Variants in WWOX observed in about 807,000 individuals in gnomAD.
WWOX encodes WW domain-containing oxidoreductase.
In WWOX, 69 loss-of-function variants were observed where a neutral mutation model predicts 46.2. That is an observed-to-expected ratio of 1.49 (90% CI 1.23 to 1.82). WWOX has a LOEUF of 1.82. WWOX is among the 40% of genes most tolerant of loss of function. WWOX has a pLI of 0.00. For synonymous variants in WWOX, 359 were observed against 202.6 expected (o/e 1.77, Z -6.56); for missense variants, 919 against 542.6 (o/e 1.69, Z -6.89).
chr16:78,968,649 G>C (rs1408391827), intron 8 of WWOX, among the ~76,000 whole-genome samples: 2 of 152,200 alleles, frequency 1.3e-5, no homozygotes. Context: ...ACAAGCCCCA[G>C]CTGCCAAGGA....
rs540569450 is a variant in WWOX, at chr16:78,476,305, A to G, written c.1056+43553A>G. Among the ~76,000 whole-genome samples the G allele has an allele frequency of 2.0e-5, 3 of 152,320 alleles. No homozygotes were observed. In the East Asian group the frequency reaches 5.8e-4, roughly 29 times the overall value. On this transcript the variant is annotated intron_variant, in intron 8 of 8. Coordinates refer to ENST00000566780, the MANE Select transcript of WWOX (RefSeq NM_016373.4). The stretch of plus-strand genomic sequence containing the variant: ...AAGTGTCTGATCATATCCTTCGCCC[A>G]CTTGGGTGGATGAAGCTGGAAACCA...
At chr16:78,678,313 C>A (rs1567484164) in intron 8 of WWOX, among the ~76,000 whole-genome samples, 1 of 152,170 alleles carries the variant, frequency 6.6e-6, no homozygotes, top group South Asian at 2.1e-4. Flanking sequence ...GAGGTCAAGG[C>A]TGCAGTAGGG....
At chr16:78,825,940 C>A in intron 8 of WWOX, 1 of 804,956 alleles carries the variant, frequency 1.2e-6, no homozygotes, top group Non-Finnish European at 2.0e-6. Context: ...CCACCACTCC[C>A]ATCTCAGAAC....
chr16:78,950,453 A>G (rs1162157090), intron 8 of WWOX, among the ~76,000 whole-genome samples: 2 of 152,032 alleles, frequency 1.3e-5, no homozygotes, highest in Admixed American at 6.6e-5. Context: ...TGGGTTGGAA[A>G]GCTAAGTTAC....
intron 8 of WWOX, among the ~76,000 whole-genome samples, chr16:78,519,400 C>T (rs937411477): frequency 5.3e-5 from 8 of 152,074 alleles, no homozygotes; most frequent in African/African-American, 7.2e-5. Flanking sequence ...CCTCTTCCCA[C>T]GTCAGACCTT....
chr16:78,352,689 C>T, intron 5 of WWOX, among the ~76,000 whole-genome samples: 1 of 152,216 alleles, frequency 6.6e-6, no homozygotes, highest in South Asian at 2.1e-4. Context: ...TGCTATGTAA[C>T]ATATTTATAG....
intron 5 of WWOX, among the ~76,000 whole-genome samples, chr16:78,184,188 A>C (rs929599604): frequency 1.3e-5 from 2 of 152,180 alleles, no homozygotes; most frequent in African/African-American, 4.8e-5. Context: ...GATTTTTAAA[A>C]AGCAGGAACT....
chr16:78,506,564 TC>T (rs1254447376), intron 8 of WWOX: 1 of 152,130 alleles, frequency 6.6e-6, no homozygotes, highest in Non-Finnish European at 1.5e-5. Context: ...GGACACAGAA[TC>T]CCCTAAGTGG....
In WWOX at chr16:78,470,882, A is replaced by G. The variant is rs780809567; in HGVS notation, c.1056+38130A>G. 2.1e-3 allele frequency among the ~76,000 whole-genome samples: 313 copies of G among 152,118 alleles called. 1 individual carries two copies. Among genetic ancestry groups the G allele is most frequent in the Middle Eastern group, 0.01 (3 of 292 alleles). ...TGGTAGGTACCTTTGCCTACCTTCT[A>G]CTCTACAGGCTGGAACAGGTGATAT... On this transcript the variant is annotated intron_variant, in intron 8 of 8. Coordinates refer to ENST00000566780, the MANE Select transcript of WWOX (RefSeq NM_016373.4).
chr16:78,266,674 T>C (rs1326237200), intron 5 of WWOX, among the ~76,000 whole-genome samples: 2 of 152,126 alleles, frequency 1.3e-5, no homozygotes, highest in Non-Finnish European at 2.9e-5. Flanking sequence ...AAATAATGAG[T>C]ATCCACTACC....
chr16:78,335,311 C>G (rs144342192), intron 5 of WWOX, among the ~76,000 whole-genome samples: 55 of 152,218 alleles, frequency 3.6e-4, no homozygotes, highest in African/African-American at 1.2e-3. Flanking sequence ...TGTGTGTTAT[C>G]CGCCTCCACC....
At chr16:78,629,110 G>C (rs2046372383) in intron 8 of WWOX, among the ~76,000 whole-genome samples, 2 of 152,146 alleles carry the variant, frequency 1.3e-5, no homozygotes, top group South Asian at 2.1e-4. Context: ...ATTTAGCAAA[G>C]TTAAAATAAA....
At chr16:78,540,662 G>A (rs1308300533) in intron 8 of WWOX, among the ~76,000 whole-genome samples, 2 of 151,684 alleles carry the variant, frequency 1.3e-5, no homozygotes, top group Admixed American at 6.6e-5. Context: ...GATTTCTATA[G>A]GCTCCTGCAA....
intron 5 of WWOX, among the ~76,000 whole-genome samples, chr16:78,332,643 CCT>C (rs1199325730): frequency 6.6e-6 from 1 of 152,278 alleles, no homozygotes; most frequent in Non-Finnish European, 1.5e-5. Context: ...TGATGATTTT[CCT>C]CTCTGTCATT....
intron 8 of WWOX, among the ~76,000 whole-genome samples, chr16:78,685,354 A>G (rs931207619): frequency 6.6e-6 from 1 of 151,868 alleles, no homozygotes; most frequent in Non-Finnish European, 1.5e-5. Context: ...TTTTTTTTGT[A>G]TGTGTCTAAT....
Position 78,422,836 on chromosome 16 carries a change from TATACATATACACACACACACACACACAC to T in WWOX, c.606-2032_606-2005del. ...ATATATATACACACACATATATATA[TATACATATACACACACACACACACACAC>T]ACACACACACACACACACACATATA... On this transcript the variant is annotated intron_variant, in intron 6 of 8. Coordinates refer to ENST00000566780, the MANE Select transcript of WWOX (RefSeq NM_016373.4). 1.9e-5 allele frequency among the ~76,000 whole-genome samples: 2 copies of T among 106,702 alleles called. 1 individual carries two copies. The highest frequency in any genetic ancestry group is 8.1e-5 in the African/African-American group (2 of 24,720). The allele number at this position is 106,702 out of a possible 152,430, so 70.0% of individuals were successfully genotyped here.
intron 8 of WWOX, among the ~76,000 whole-genome samples, chr16:78,664,009 G>A (rs915248627): frequency 6.6e-6 from 1 of 152,140 alleles, no homozygotes; most frequent in African/African-American, 2.4e-5. Context: ...ATCACTATTG[G>A]GAGGTGGTAA....
chr16:78,840,974 G>C (rs2052126029), intron 8 of WWOX, among the ~76,000 whole-genome samples: 1 of 152,026 alleles, frequency 6.6e-6, no homozygotes. Context: ...AGGCATTTTG[G>C]TGGCCTTTGG....
intron 5 of WWOX, among the ~76,000 whole-genome samples, chr16:78,357,018 A>G (rs1567521426): frequency 6.6e-6 from 1 of 152,148 alleles, no homozygotes; most frequent in African/African-American, 2.4e-5. Flanking sequence ...TACTACTGGC[A>G]TTTGCTGACA....
Sources: gnomAD v4.1 joint callset for allele counts (sites outside exome capture counted in the v4.1 genomes callset) on GRCh38, gnomAD v4.1.1 for gene constraint, MANE v1.5 for transcripts, NCBI Gene and HGNC (gene_info 2026-07-23, HGNC 2026-07-21) for gene names.